STXBP5L: variants seen among roughly 807,000 people sequenced by gnomAD.
STXBP5L encodes the protein syntaxin-binding protein 5-like.
A neutral mutation model predicts 144.5 loss-of-function variants in STXBP5L; 65 were observed. That is an observed-to-expected ratio of 0.45 (90% confidence interval 0.37 to 0.55). The LOEUF (loss-of-function observed/expected upper bound fraction) is 0.55, where lower values mean the gene tolerates loss of function less well. STXBP5L is among the 20% of genes least tolerant of loss of function. The pLI, the probability that STXBP5L is intolerant of heterozygous loss-of-function variation, is 0.00. For missense variants in STXBP5L, 1,298 were observed against 1,405.5 expected, an observed-to-expected ratio of 0.92 and a Z score of 1.22; for synonymous variants, 505 against 469.6, an observed-to-expected ratio of 1.08 and a Z score of -0.97.
intron 5 of STXBP5L, among the ~76,000 whole-genome samples, chr3:121,089,932 CTTACT>C (rs2042696753): frequency 6.6e-6 from 1 of 151,874 alleles, no homozygotes; most frequent in Non-Finnish European, 1.5e-5. Context: ...GTTCTTTTTA[CTTACT>C]TTTTCTTTGC....
intron 7 of STXBP5L, among the ~76,000 whole-genome samples, chr3:121,130,534 A>G (rs2107892730): frequency 6.6e-6 from 1 of 152,226 alleles, no homozygotes; most frequent in South Asian, 2.1e-4. Flanking sequence ...GAAATACCTA[A>G]AACCAATTGA....
intron 20 of STXBP5L, among the ~76,000 whole-genome samples, chr3:121,321,659 A>C (rs1185027569): frequency 6.6e-6 from 1 of 152,276 alleles, no homozygotes; most frequent in Admixed American, 6.5e-5. Context: ...CTGCCCTATG[A>C]AACATTTTAA....
chr3:120,914,480 A>T (rs1324439284), intron 2 of STXBP5L, among the ~76,000 whole-genome samples: 1 of 152,076 alleles, frequency 6.6e-6, no homozygotes, highest in Admixed American at 6.6e-5. Flanking sequence ...ATAGGTATAG[A>T]TCAGAAATAC....
At chr3:121,041,911 T>A in intron 4 of STXBP5L, 130 bp downstream of exon 4, 1 of 608,184 alleles carries the variant, frequency 1.6e-6, no homozygotes, top group South Asian at 2.4e-5. Context: ...CTTCTGATTA[T>A]ATTTTTCACA....
At chr3:121,397,316 T>A (rs1305689015) in intron 22 of STXBP5L, among the ~76,000 whole-genome samples, 1 of 152,250 alleles carries the variant, frequency 6.6e-6, no homozygotes, top group Non-Finnish European at 1.5e-5. Context: ...ACTGAACTGA[T>A]GACTGTTAAA....
At chr3:120,942,105 A>T (rs917670158) in intron 2 of STXBP5L, among the ~76,000 whole-genome samples, 18 of 151,716 alleles carry the variant, frequency 1.2e-4, no homozygotes, top group Non-Finnish European at 7.4e-5. Flanking sequence ...TTAGGACCTC[A>T]TTCGTTTAAT....
At chr3:121,272,825 T>C (rs1208476784) in intron 18 of STXBP5L, among the ~76,000 whole-genome samples, 2 of 152,060 alleles carry the variant, frequency 1.3e-5, no homozygotes, top group Non-Finnish European at 2.9e-5. Flanking sequence ...TGGAACATCT[T>C]ATACTTAATA....
At chr3:121,025,984 T>C (rs1945906277) in intron 3 of STXBP5L, among the ~76,000 whole-genome samples, 1 of 146,412 alleles carries the variant, frequency 6.8e-6, no homozygotes, top group South Asian at 2.1e-4. Context: ...GTTAATAATA[T>C]ATTAGTATTA....
intron 9 of STXBP5L, among the ~76,000 whole-genome samples, chr3:121,165,863 G>A (rs1272149469): frequency 2.0e-5 from 3 of 152,036 alleles, no homozygotes; most frequent in Admixed American, 1.3e-4. Flanking sequence ...TTTATACTTG[G>A]CTTGTCTCAT....
intron 10 of STXBP5L, among the ~76,000 whole-genome samples, chr3:121,213,213 G>C (rs531865520): frequency 6.6e-6 from 1 of 152,024 alleles, no homozygotes; most frequent in African/African-American, 2.4e-5. Flanking sequence ...TCTTTCTCTT[G>C]CCTGATTGCC....
chr3:121,150,332 T>A (rs1271818047), intron 7 of STXBP5L, among the ~76,000 whole-genome samples: 1 of 152,110 alleles, frequency 6.6e-6, no homozygotes, highest in Non-Finnish European at 1.5e-5. Flanking sequence ...GTTTGGGCAT[T>A]GTTCCTGTTT....
intron 20 of STXBP5L, among the ~76,000 whole-genome samples, chr3:121,352,257 C>G (rs553469619): frequency 7.9e-5 from 12 of 152,202 alleles, no homozygotes; most frequent in Admixed American, 3.3e-4. Flanking sequence ...GGCATTGAAT[C>G]TATAAATTAC....
At position 121,115,334 on chromosome 3, in the gene STXBP5L, C is replaced by T. The variant is rs1019529375; in HGVS notation, c.605+275C>T. Among the ~76,000 whole-genome samples, 3 of 152,300 alleles carry T rather than the reference C, an allele frequency of 2.0e-5. No individual in the cohort carries two copies. The South Asian group carries it at 6.2e-4, about 32-fold the overall frequency. ...TTCTAAAAGTTATACATGGAAATCT[C>T]ACTTCATTATAATCAAGCTTAGTAT... On this transcript the variant is annotated intron_variant, in intron 6 of 26. Transcript: ENST00000471454.
intron 3 of STXBP5L, among the ~76,000 whole-genome samples, chr3:121,026,433 T>G (rs905664561): frequency 4.6e-5 from 7 of 152,082 alleles, no homozygotes; most frequent in Non-Finnish European, 8.8e-5. Flanking sequence ...CTAGCTTATA[T>G]TTTCTCATTT....
At chr3:121,008,079 G>T (rs558709762) in intron 3 of STXBP5L, among the ~76,000 whole-genome samples, 30 of 151,782 alleles carry the variant, frequency 2.0e-4, no homozygotes, top group Non-Finnish European at 3.5e-4. Context: ...TGCTATTTTA[G>T]GTTTCTTTCC....
intron 3 of STXBP5L, among the ~76,000 whole-genome samples, chr3:120,958,242 GAT>G (rs1473191178): frequency 6.6e-6 from 1 of 152,104 alleles, no homozygotes; most frequent in African/African-American, 2.4e-5. Flanking sequence ...CCAATAACAG[GAT>G]CTGAAATTGA....
chr3:120,982,925 G>A (rs1456971880), intron 3 of STXBP5L, among the ~76,000 whole-genome samples: 1 of 152,206 alleles, frequency 6.6e-6, no homozygotes, highest in Non-Finnish European at 1.5e-5. Flanking sequence ...GGTGCTGCCT[G>A]TGATAGGGAG....
At chr3:121,166,838 C>G (rs1161757402) in intron 9 of STXBP5L, among the ~76,000 whole-genome samples, 1 of 152,024 alleles carries the variant, frequency 6.6e-6, no homozygotes, top group East Asian at 1.9e-4. Flanking sequence ...AACTTATTCT[C>G]AAATAGCTCA....
intron 5 of STXBP5L, among the ~76,000 whole-genome samples, chr3:121,112,008 T>C (rs2107816324): frequency 6.6e-6 from 1 of 152,284 alleles, no homozygotes; most frequent in Non-Finnish European, 1.5e-5. Flanking sequence ...AGTATGGCCA[T>C]GATCCACCAC....
Sources: allele counts gnomAD v4.1 joint callset (sites outside exome capture counted in the v4.1 genomes callset), GRCh38; gene constraint gnomAD v4.1.1; transcripts MANE v1.5; gene names NCBI Gene and HGNC (gene_info 2026-07-23, HGNC 2026-07-21).